Variants in ABCC1 observed in about 807,000 individuals in gnomAD.
ABCC1 encodes the protein ATP binding cassette subfamily C member 1 (ABCC1 blood group).
In ABCC1, 83 loss-of-function variants were observed where a neutral mutation model predicts 172.9. That is an observed-to-expected ratio of 0.48 (90% CI 0.40 to 0.58). The LOEUF (loss-of-function observed/expected upper bound fraction) is 0.58. Among genes scored for constraint, ABCC1 ranks in the 20% least tolerant of loss-of-function variants. The pLI is 0.00. For synonymous variants in ABCC1, 937 were observed against 825.2 expected (o/e 1.14, Z -2.32); for missense variants, 1,817 against 2,002.7 (o/e 0.91, Z 1.77).
Position 16,136,486 on chromosome 16 carries a change from T to G in ABCC1, c.4134T>G (p.Val1378=), listed in dbSNP as rs879244485. 22 of 1,614,172 alleles carry G rather than the reference T, an allele frequency of 1.4e-5. No homozygotes were observed. The highest frequency in any genetic ancestry group is 1.9e-5 in the Non-Finnish European group (22 of 1,180,028). Residue 1378 remains valine (V), a synonymous_variant, in exon 29 of 31, where the codon GTT becomes GTG. Transcript: ENST00000399410. ...CTCTTCTCTCTGAACAGGACCCTGT[T>G]TTGTTTTCGGGTTCCCTCCGAATGA... is the stretch of plus-strand genomic sequence containing the variant. The part of the protein sequence containing the change: ...FKITIIPQDP[V]LFSGSLRMNL...
Position 16,048,267 on chromosome 16 carries a change from C to A in ABCC1, c.1344C>A (p.Pro448=), listed in dbSNP as rs770162860. The change falls in exon 10 of 31, where the codon CCC becomes CCA. Residue 448 remains proline, a synonymous_variant. Coordinates refer to ENST00000399410, the MANE Select transcript of ABCC1 (RefSeq NM_004996.4). ...ACATTAACATGATCTGGTCAGCCCC[C>A]CTGCAAGTCATCCTTGCTCTCTACC... ...ATYINMIWSA[P]LQVILALYLL... 25 of 1,614,042 alleles carry A rather than the reference C, an allele frequency of 1.5e-5. No homozygotes were observed. Among genetic ancestry groups the A allele is most frequent in the Middle Eastern group, 1.6e-4 (1 of 6,084 alleles).
chr16:16,086,753 C>G (rs1304239695), intron 17 of ABCC1, 71 bp from the exon 18 acceptor site: 2 of 1,556,494 alleles, frequency 1.3e-6, no homozygotes, highest in Non-Finnish European at 1.7e-6. Context: ...ACACCACACT[C>G]GGCCTGCTTC....
At chr16:16,131,648 T>A in intron 26 of ABCC1, 141 bp from the exon 27 acceptor site, 1 of 871,950 alleles carries the variant, frequency 1.1e-6, no homozygotes, top group South Asian at 1.8e-5. Flanking sequence ...GGAATAACAT[T>A]CCAGGAAGGG....
intron 19 of ABCC1, among the ~76,000 whole-genome samples, chr16:16,092,988 C>T (rs1377219657): frequency 1.3e-5 from 2 of 152,222 alleles, no homozygotes; most frequent in Non-Finnish European, 2.9e-5. Flanking sequence ...AAGACCATGT[C>T]TCAAAATACA....
chr16:16,012,150 A>G (rs1262871576), intron 3 of ABCC1, among the ~76,000 whole-genome samples: 5 of 152,222 alleles, frequency 3.3e-5, no homozygotes, highest in African/African-American at 1.2e-4. Context: ...ACTCTCTGCC[A>G]AGAACTGTCC....
At chr16:16,013,201 T>A (rs916162969) in intron 3 of ABCC1, among the ~76,000 whole-genome samples, 4 of 152,038 alleles carry the variant, frequency 2.6e-5, no homozygotes, top group Non-Finnish European at 5.9e-5. Context: ...TCAGAAACAT[T>A]CTGACTATAT....
At chr16:15,992,771 G>A (rs2046912126) in intron 1 of ABCC1, among the ~76,000 whole-genome samples, 1 of 152,198 alleles carries the variant, frequency 6.6e-6, no homozygotes, top group Non-Finnish European at 1.5e-5. Flanking sequence ...AGGGCCTCCT[G>A]TGAGAATTAG....
chr16:16,070,435 T>C (rs554761705), intron 13 of ABCC1, among the ~76,000 whole-genome samples: 166 of 151,958 alleles, frequency 1.1e-3, no homozygotes, highest in Non-Finnish European at 7.4e-4. Context: ...GAGGCCGAGG[T>C]GGGCGGATCA....
chr16:16,103,740 C>T (rs369436502), intron 20 of ABCC1, among the ~76,000 whole-genome samples: 2 of 152,268 alleles, frequency 1.3e-5, no homozygotes, highest in East Asian at 3.9e-4. Flanking sequence ...AAAGACCATG[C>T]GGCATAGCAC....
chr16:16,032,066 C>T (rs990198232), intron 5 of ABCC1, among the ~76,000 whole-genome samples: 22 of 152,178 alleles, frequency 1.4e-4, no homozygotes, highest in African/African-American at 5.3e-4. Context: ...TCATGGCTCA[C>T]TGCAACCTCC....
intron 1 of ABCC1, among the ~76,000 whole-genome samples, chr16:15,975,776 G>A (rs2151559291): frequency 6.6e-6 from 1 of 151,734 alleles, no homozygotes; most frequent in African/African-American, 2.4e-5. Context: ...AGCTGGTCTG[G>A]AACTCCCAAC....
intron 5 of ABCC1, among the ~76,000 whole-genome samples, chr16:16,027,183 A>G (rs1199212873): frequency 2.0e-5 from 3 of 152,020 alleles, no homozygotes; most frequent in Admixed American, 6.6e-5. Flanking sequence ...CCCCTTAATC[A>G]CTGTGTCTTG....
chr16:16,043,186 A>G (rs2049046903), intron 7 of ABCC1, among the ~76,000 whole-genome samples: 1 of 146,314 alleles, frequency 6.8e-6, no homozygotes, highest in Non-Finnish European at 1.5e-5. Flanking sequence ...TTTTTTAGAA[A>G]TAGGGTCTTG....
chr16:16,096,537 G>A (rs574307107), intron 19 of ABCC1, among the ~76,000 whole-genome samples: 30 of 152,316 alleles, frequency 2.0e-4, no homozygotes, highest in African/African-American at 5.1e-4. Context: ...CTCAGAGGCC[G>A]GATTTCTTCC....
At chr16:16,031,901 T>A (rs1027284447) in intron 5 of ABCC1, among the ~76,000 whole-genome samples, 1 of 151,868 alleles carries the variant, frequency 6.6e-6, no homozygotes, top group African/African-American at 2.4e-5. Context: ...CCTGACTCTT[T>A]GGGGCTCACA....
At chr16:16,060,937 C>T (rs1187281642) in intron 12 of ABCC1, among the ~76,000 whole-genome samples, 1 of 152,102 alleles carries the variant, frequency 6.6e-6, no homozygotes, top group Non-Finnish European at 1.5e-5. Flanking sequence ...CTGCCTCAGC[C>T]TCCTGAGTAG....
chr16:15,955,802 C>G (rs1011930724), intron 1 of ABCC1, among the ~76,000 whole-genome samples: 4 of 152,160 alleles, frequency 2.6e-5, no homozygotes, highest in Admixed American at 6.6e-5. Context: ...TCTGTAAACT[C>G]CTACCAAAAG....
At chr16:16,129,143 A>G (rs2045570367) in intron 26 of ABCC1, among the ~76,000 whole-genome samples, 1 of 151,846 alleles carries the variant, frequency 6.6e-6, no homozygotes, top group African/African-American at 2.4e-5. Flanking sequence ...ATACCCCAAC[A>G]CTTTTGTTTG....
At chr16:16,007,430 G>T (rs564621206) in intron 1 of ABCC1, among the ~76,000 whole-genome samples, 12 of 152,214 alleles carry the variant, frequency 7.9e-5, no homozygotes, top group Admixed American at 2.6e-4. Context: ...TCACTATCTT[G>T]CCTAGGCTGG....
Sources: gnomAD v4.1 joint callset for allele counts (sites outside exome capture counted in the v4.1 genomes callset) on GRCh38, gnomAD v4.1.1 for gene constraint, MANE v1.5 for transcripts, NCBI Gene and HGNC (gene_info 2026-07-23, HGNC 2026-07-21) for gene names.